OSBP2: variants seen among roughly 807,000 people sequenced by gnomAD.
OSBP2 encodes the protein oxysterol binding protein 2.
In OSBP2, 66 loss-of-function variants were observed where a neutral mutation model predicts 96.0. That is an observed-to-expected ratio of 0.69 (90% confidence interval 0.56 to 0.84). The LOEUF is 0.84. OSBP2 is among the 40% of genes least tolerant of loss of function. OSBP2 has a pLI of 0.00. For missense variants in OSBP2, 1,038 were observed against 1,222.7 expected, an observed-to-expected ratio of 0.85 and a Z score of 2.25; for synonymous variants, 525 against 520.9, an observed-to-expected ratio of 1.01 and a Z score of -0.11.
At chr22:30,832,517 T>C (rs2038545918) in intron 2 of OSBP2, among the ~76,000 whole-genome samples, 3 of 152,214 alleles carry the variant, frequency 2.0e-5, no homozygotes, top group Non-Finnish European at 4.4e-5. Context: ...TTTTGAACTC[T>C]TGGCCTCAAG....
chr22:30,710,139 C>T (rs1219832613), intron 1 of OSBP2, among the ~76,000 whole-genome samples: 6 of 150,630 alleles, frequency 4.0e-5, no homozygotes, highest in Non-Finnish European at 4.4e-5. Flanking sequence ...CCCCACTCAG[C>T]CTCCCAAAGT....
At chr22:30,751,880 T>G (rs1001705176) in intron 2 of OSBP2, among the ~76,000 whole-genome samples, 1 of 152,188 alleles carries the variant, frequency 6.6e-6, no homozygotes, top group Non-Finnish European at 1.5e-5. Context: ...CCCGAGGGAT[T>G]CACCTCTAGA....
intron 2 of OSBP2, among the ~76,000 whole-genome samples, chr22:30,815,361 C>G (rs1447439472): frequency 6.6e-6 from 1 of 152,184 alleles, no homozygotes; most frequent in Non-Finnish European, 1.5e-5. Context: ...ATCTGTGTCC[C>G]CACCCCATGG....
chr22:30,701,586 G>A (rs988865614), intron 1 of OSBP2, among the ~76,000 whole-genome samples: 8 of 151,862 alleles, frequency 5.3e-5, no homozygotes, highest in African/African-American at 9.7e-5. Context: ...CTTGTGATCC[G>A]CCCGCCTCGG....
In OSBP2 at chr22:30,871,623, G is replaced by A. The variant is rs1262981691; in HGVS notation, c.1107+941G>A. On this transcript the variant is annotated intron_variant, in intron 3 of 13. Transcript: ENST00000332585. The surrounding 1 kb of genome is among the most constrained non-coding windows in gnomAD (Gnocchi z 4.7). ...CAGGAGAGTCATCGTGCTGGCTGGGGACAGTGGGCAGTGCTGGTGCCTGGG... is the reference window on the plus strand; with the variant it reads ...CAGGAGAGTCATCGTGCTGGCTGGGAACAGTGGGCAGTGCTGGTGCCTGGG... Among the ~76,000 whole-genome samples, 2 of 152,206 alleles carry A rather than the reference G, an allele frequency of 1.3e-5. No individual in the cohort carries two copies. The highest frequency in any genetic ancestry group is 2.9e-5 in the Non-Finnish European group (2 of 68,034).
At chr22:30,799,981 G>A (rs775449824) in intron 2 of OSBP2, among the ~76,000 whole-genome samples, 6 of 152,170 alleles carry the variant, frequency 3.9e-5, no homozygotes, top group African/African-American at 9.7e-5. Flanking sequence ...GCCTCTTTCC[G>A]TCATGCCTAC....
intron 1 of OSBP2, among the ~76,000 whole-genome samples, chr22:30,726,411 A>C (rs1003689139): frequency 6.6e-6 from 1 of 152,178 alleles, no homozygotes; most frequent in African/African-American, 2.4e-5. Context: ...ATTCTCACTC[A>C]TAAGTGGGAG....
chr22:30,823,535 C>T (rs1439200431), intron 2 of OSBP2, among the ~76,000 whole-genome samples: 1 of 152,242 alleles, frequency 6.6e-6, no homozygotes, highest in Non-Finnish European at 1.5e-5. Flanking sequence ...GAAATCAGCA[C>T]TCTCTGATCT....
chr22:30,812,521 T>C (rs1177765659), intron 2 of OSBP2, among the ~76,000 whole-genome samples: 3 of 152,216 alleles, frequency 2.0e-5, no homozygotes, highest in African/African-American at 4.8e-5. Context: ...TATTTAATCA[T>C]TTTCCTCTTG....
intron 2 of OSBP2, among the ~76,000 whole-genome samples, chr22:30,825,544 A>G (rs1376969662): frequency 6.6e-6 from 1 of 152,226 alleles, no homozygotes; most frequent in Non-Finnish European, 1.5e-5. Context: ...GGAAGCACCC[A>G]CTTGAGGTCT....
chr22:30,815,415 T>A (rs1406938977), intron 2 of OSBP2, among the ~76,000 whole-genome samples: 1 of 151,720 alleles, frequency 6.6e-6, no homozygotes, highest in Admixed American at 6.5e-5. Flanking sequence ...ACTCCTTCGA[T>A]ATCTTCTGTA....
In OSBP2 at chr22:30,890,976, G is replaced by A. The variant is rs975986124; in HGVS notation, c.1869+3G>A. The A allele has an allele frequency of 1.9e-6, 3 of 1,604,666 alleles. No individual in the cohort carries two copies. The highest frequency in any genetic ancestry group is 2.7e-5 in the African/African-American group (2 of 75,052). On this transcript the variant is annotated splice_donor_region_variant and intron_variant, in intron 8 of 13. Coordinates refer to ENST00000332585, the MANE Select transcript of OSBP2 (RefSeq NM_030758.4). This position sits in a 1 kb window ranked among gnomAD's most constrained non-coding sequence, Gnocchi z 4.4. ...GCCTGCGCTCCCTCTGTGAGCAGGT[G>A]AGGGGGCTAGGCTGGCACTGGGTGG...
At chr22:30,878,530 A>G (rs1474704471) in intron 3 of OSBP2, among the ~76,000 whole-genome samples, 1 of 152,186 alleles carries the variant, frequency 6.6e-6, no homozygotes, top group Admixed American at 6.5e-5. Flanking sequence ...ATGGTTCCGC[A>G]GGATGCAGGA....
chr22:30,715,904 C>G (rs924238496), intron 1 of OSBP2, among the ~76,000 whole-genome samples: 1 of 142,638 alleles, frequency 7.0e-6, no homozygotes, highest in Non-Finnish European at 1.5e-5. Flanking sequence ...GTTATCCAAG[C>G]TGGTCTCGAA....
intron 2 of OSBP2, among the ~76,000 whole-genome samples, chr22:30,850,731 T>A (rs192867014): frequency 9.8e-5 from 15 of 152,316 alleles, no homozygotes; most frequent in African/African-American, 3.6e-4. Flanking sequence ...ACTCCTGACC[T>A]CAAGTGATCC....
chr22:30,701,725 T>G (rs566126743), intron 1 of OSBP2, among the ~76,000 whole-genome samples: 41 of 152,310 alleles, frequency 2.7e-4, no homozygotes, highest in Admixed American at 1.4e-3. Context: ...AACATGAAGT[T>G]GAGGGTGCAA....
chr22:30,904,051 C>T (rs1040245919), intron 12 of OSBP2, among the ~76,000 whole-genome samples: 3 of 152,200 alleles, frequency 2.0e-5, no homozygotes, highest in South Asian at 2.1e-4. Context: ...TGAGCTTGAA[C>T]GCCCGCGTGT....
chr22:30,842,599 CT>C, intron 2 of OSBP2: 1 of 153,138 alleles, frequency 6.5e-6, no homozygotes, highest in Non-Finnish European at 1.5e-5. Context: ...CCTGCCACTG[CT>C]TTTTCAACTA....
intron 2 of OSBP2, among the ~76,000 whole-genome samples, chr22:30,784,471 C>A (rs1316787376): frequency 2.0e-5 from 3 of 152,028 alleles, no homozygotes; most frequent in Non-Finnish European, 4.4e-5. Flanking sequence ...GTTGCCCAGG[C>A]TGGTCTCAAA....
Sources: allele counts gnomAD v4.1 joint callset (sites outside exome capture counted in the v4.1 genomes callset), GRCh38; gene constraint gnomAD v4.1.1; non-coding constraint Gnocchi (gnomAD v3.1); transcripts MANE v1.5; gene names NCBI Gene and HGNC (gene_info 2026-07-23, HGNC 2026-07-21).